Variants in KCNH2 observed in about 807,000 individuals in gnomAD.
KCNH2 encodes the protein potassium voltage-gated channel subfamily H member 2.
KCNH2 carries 35 observed loss-of-function variants against 95.9 expected under a neutral mutation model. That is an observed-to-expected ratio of 0.37 (90% confidence interval 0.28 to 0.48). KCNH2 has a LOEUF of 0.48. Among genes scored for constraint, KCNH2 ranks in the 20% least tolerant of loss-of-function variants. KCNH2 has a pLI of 0.99. For missense variants in KCNH2, 1,274 were observed against 1,702.9 expected, an observed-to-expected ratio of 0.75 and a Z score of 4.43; for synonymous variants, 786 against 754.7, an observed-to-expected ratio of 1.04 and a Z score of -0.68.
Position 150,946,128 on chromosome 7 carries a change from C to T in KCNH2, c.3331-614G>A, listed in dbSNP as rs1250672531. Among the ~76,000 whole-genome samples, 1 of 152,044 alleles carries T rather than the reference C, an allele frequency of 6.6e-6. No homozygotes were observed. The highest frequency in any genetic ancestry group is 1.5e-5 in the Non-Finnish European group (1 of 67,992). On this transcript the variant is annotated intron_variant, in intron 14 of 14. Transcript: ENST00000262186. The surrounding 1 kb of genome is among the most constrained non-coding windows in gnomAD (Gnocchi z 6.5). ...GCATATGGGAGGGGGGAGCGGATGC[C>T]AAGGGAAGTGGGGAGGGAGCAGATC...
Position 150,947,020 on chromosome 7 carries a change from C to T in KCNH2, c.3187G>A (p.Val1063Ile), listed in dbSNP as rs139722868. 1 of 1,609,470 alleles carries T rather than the reference C, an allele frequency of 6.2e-7. No homozygotes were observed. The highest frequency in any genetic ancestry group is 2.2e-5 in the East Asian group (1 of 44,726). Residue 1063 changes from valine to isoleucine, a missense_variant, in exon 14 of 15, where the codon GTC becomes ATC. Val to Ile is a conservative substitution (Grantham distance 29, BLOSUM62 3). Coordinates refer to ENST00000262186, the MANE Select transcript of KCNH2 (RefSeq NM_000238.4). ...ATCTGCCTCTGTAGCAGCTGCAGGA[C>T]AGTGGCCATGTCTGCACTCAGCCGG... ...ETRLSADMAT[V>I]LQLLQRQMTL...
Position 150,947,431 on chromosome 7 carries a change from C to T in KCNH2, c.3049G>A (p.Ala1017Thr), listed in dbSNP as rs950543448. ...RQYQELPRCPAPTPSLLNIPL... is the reference protein window; with the variant it reads ...RQYQELPRCPTPTPSLLNIPL... ...ATGTTGAGGAGGCTGGGGGTGGGGG[C>T]GGGGCATCGAGGGAGCTCCTGGTAC... Residue 1017 changes from alanine to threonine, a missense_variant, in exon 13 of 15, where the codon GCC (alanine) becomes ACC (threonine). Transcript: ENST00000262186. 6.2e-6 allele frequency: 9 copies of T among 1,444,996 alleles called. No individual in the cohort carries two copies. The highest frequency in any genetic ancestry group is 2.0e-5 in the Admixed American group (1 of 50,820). 89.5% of individuals were successfully genotyped at this position (1,444,996 alleles called of 1,614,324 possible).
At chr7:150,949,184 C>G in intron 9 of KCNH2, 135 bp from the exon 10 acceptor site, 1 of 1,105,240 alleles carries the variant, frequency 9.0e-7, no homozygotes, top group South Asian at 1.5e-5. Flanking sequence ...GCCCCCAACC[C>G]ACACAACCGG....
chr7:150,946,739 A>G lies in KCNH2; in HGVS notation c.3330+138T>C, dbSNP rs1235070125. 2 of 757,570 alleles carry G rather than the reference A, an allele frequency of 2.6e-6. No homozygotes were observed. The highest frequency in any genetic ancestry group is 1.7e-5 in the African/African-American group (1 of 57,230). 46.9% of individuals were successfully genotyped at this position (757,570 alleles called of 1,614,324 possible). On this transcript the variant is annotated intron_variant, in intron 14 of 14. Transcript: ENST00000262186. The surrounding 1 kb of genome is among the most constrained non-coding windows in gnomAD (Gnocchi z 6.5). ...TGAAGCAGCCTTCCTCCAGGAGGACAGGGGTGGGAGGAGGGCAGGAACAAG... is the reference window on the plus strand; with the variant it reads ...TGAAGCAGCCTTCCTCCAGGAGGACGGGGGTGGGAGGAGGGCAGGAACAAG...
rs1801130920 is a variant in KCNH2 at position 150,951,023 on chromosome 7, C to T, written c.2043G>A (p.Arg681=). The T allele has an allele frequency of 1.9e-6, 3 of 1,614,224 alleles. No individual in the cohort carries two copies. The highest frequency in any genetic ancestry group is 2.2e-5 in the South Asian group (2 of 91,090). The change falls in exon 8 of 15, where the codon CGG becomes CGA. Residue 681 remains arginine (R), a synonymous_variant. Coordinates refer to ENST00000262186, the MANE Select transcript of KCNH2 (RefSeq NM_000238.4). ...ARYHTQMLRV[R]EFIRFHQIPN... Reference sequence around the variant, plus strand: ...GGATCTGGTGGAAGCGGATGAACTCCCGCACCCGCAGCATCTGTGTGTGGT... The same window carrying T: ...GGATCTGGTGGAAGCGGATGAACTCTCGCACCCGCAGCATCTGTGTGTGGT...
intron 13 of KCNH2, 87 bp from the exon 14 acceptor site, chr7:150,947,141 G>A: frequency 4.9e-6 from 2 of 404,378 alleles, no homozygotes; most frequent in African/African-American, 2.1e-5. Flanking sequence ...GGGGAGGGGG[G>A]AGGGGCAGCC....
In KCNH2 at chr7:150,961,111, T is replaced by C. The variant is rs3807376; in HGVS notation, c.308-1375A>G. On this transcript the variant is annotated intron_variant, in intron 2 of 14. Transcript: ENST00000262186. The surrounding 1 kb of genome is among the most constrained non-coding windows in gnomAD (Gnocchi z 6.2). The stretch of plus-strand genomic sequence containing the variant: ...CAGCTCCCCCTCTGCTCAGCTGTCT[T>C]CTCTGCCTCCCAGTGTCTCCCGTCC... Among the ~76,000 whole-genome samples the C allele has an allele frequency of 0.28, 42,699 of 151,996 alleles. 6,679 individuals carry two copies. The highest frequency in any genetic ancestry group is 0.64 in the East Asian group (3,313 of 5,164).
intron 2 of KCNH2, among the ~76,000 whole-genome samples, chr7:150,970,508 G>A (rs1276902813): frequency 2.6e-5 from 4 of 152,238 alleles, no homozygotes; most frequent in Admixed American, 6.5e-5. Context: ...CCCTGGAGCA[G>A]GACTGGGATA....
rs139295242 is a variant in KCNH2, at chr7:150,948,940, G to A, written c.2508C>T (p.Asp836=). The change falls in exon 10 of 15, where the codon GAC becomes GAT. Residue 836 remains aspartate, a synonymous_variant. Transcript: ENST00000262186. The part of the protein sequence containing the change: ...TYCDLHKIHR[D]DLLEVLDMYP... Reference sequence around the variant, plus strand: ...ACATGTCCAGCACCTCCAGCAGGTCGTCCCGATGGATCTTGTGTAGGTCAC... The same window carrying A: ...ACATGTCCAGCACCTCCAGCAGGTCATCCCGATGGATCTTGTGTAGGTCAC... 8 of 1,614,158 alleles carry A rather than the reference G, an allele frequency of 5.0e-6. No individual in the cohort carries two copies. The highest frequency in any genetic ancestry group is 1.6e-4 in the Middle Eastern group (1 of 6,062).
At chr7:150,949,885 A>C in intron 9 of KCNH2, 1 of 1,401,332 alleles carries the variant, frequency 7.1e-7, no homozygotes, top group Admixed American at 2.3e-5. Context: ...AGGCTAGAGG[A>C]TCTAGATTTG....
chr7:150,950,456 C>A, intron 8 of KCNH2, 36 bp from the exon 9 acceptor site: 1 of 1,605,214 alleles, frequency 6.2e-7, no homozygotes, highest in Non-Finnish European at 8.5e-7. Flanking sequence ...GCACACCCTC[C>A]CTTGGGACCC....
At chr7:150,947,257 A>G in intron 13 of KCNH2, 71 bp downstream of exon 13, 1 of 1,335,314 alleles carries the variant, frequency 7.5e-7, no homozygotes, top group Non-Finnish European at 1.0e-6. Flanking sequence ...CTCTCCCTCT[A>G]CCAGACAACA....
At chr7:150,951,236 C>T (rs933916948) in intron 7 of KCNH2, 116 bp from the exon 8 acceptor site, 57 of 1,038,464 alleles carry the variant, frequency 5.5e-5, no homozygotes, top group Non-Finnish European at 7.5e-5. Flanking sequence ...GACATGCCCA[C>T]GAGACGCCCT....
At chr7:150,947,968 A>G (rs1050225469) in intron 11 of KCNH2, 90 bp from the exon 12 acceptor site, 61 of 1,412,562 alleles carry the variant, frequency 4.3e-5, no homozygotes, top group Non-Finnish European at 5.6e-5. Context: ...CGAGCCCGAG[A>G]GAGGACTGGG....
At chr7:150,970,784 T>G (rs953236987) in intron 2 of KCNH2, among the ~76,000 whole-genome samples, 6 of 152,190 alleles carry the variant, frequency 3.9e-5, no homozygotes, top group East Asian at 1.9e-4. Flanking sequence ...GTCCCCATGA[T>G]GAAGGGCGCT....
rs755698372 is a variant in KCNH2 at position 150,951,464 on chromosome 7, G to A, written c.1929C>T (p.Cys643=). ...NTNSEKIFSI[C]VMLIGSLMYA... ...CACACTCACAGCCAATGAGCATGACGCAGATGGAGAAGATCTTCTCTGAGT... is the reference window on the plus strand; with the variant it reads ...CACACTCACAGCCAATGAGCATGACACAGATGGAGAAGATCTTCTCTGAGT... The change falls in exon 7 of 15, where the codon TGC becomes TGT. Residue 643 remains cysteine, a synonymous_variant. Coordinates refer to ENST00000262186, the MANE Select transcript of KCNH2 (RefSeq NM_000238.4). 4.3e-6 allele frequency: 7 copies of A among 1,614,028 alleles called. 1 individual carries two copies. The highest frequency in any genetic ancestry group is 1.7e-4 in the Middle Eastern group (1 of 6,048).
Position 150,946,624 on chromosome 7 carries a change from C to G in KCNH2, c.3330+253G>C, listed in dbSNP as rs886904270. On this transcript the variant is annotated intron_variant, in intron 14 of 14. Coordinates refer to ENST00000262186, the MANE Select transcript of KCNH2 (RefSeq NM_000238.4). The surrounding 1 kb of genome is among the most constrained non-coding windows in gnomAD (Gnocchi z 6.5). The stretch of plus-strand genomic sequence containing the variant: ...TGTGGACACTAGGGGAGTGAAGCTG[C>G]GGGCCACTTAGCCTACAGGTTCCCT... Among the ~76,000 whole-genome samples, 1 of 152,168 alleles carries G rather than the reference C, an allele frequency of 6.6e-6. No individual in the cohort carries two copies. Among genetic ancestry groups the G allele is most frequent in the Admixed American group, 6.5e-5 (1 of 15,290 alleles).
Position 150,958,087 on chromosome 7 carries a change from C to G in KCNH2, c.888G>C (p.Leu296=), listed in dbSNP as rs1157638570. Residue 296 remains leucine, a synonymous_variant, in exon 4 of 15, where the codon CTG becomes CTC. Transcript: ENST00000262186. ...DDIEAMRAGV[L]PPPPRHASTG... Reference sequence around the variant, plus strand: ...TGCTGGCGTGGCGCGGTGGCGGGGGCAGCACCCCGGCGCGCATGGCCTCGA... The same window carrying G: ...TGCTGGCGTGGCGCGGTGGCGGGGGGAGCACCCCGGCGCGCATGGCCTCGA... 1.0e-5 allele frequency: 13 copies of G among 1,280,744 alleles called. No homozygotes were observed. The highest frequency in any genetic ancestry group is 1.3e-5 in the Non-Finnish European group (13 of 1,018,066). The allele number at this position is 1,280,744 out of a possible 1,614,324, so 79.3% of individuals were successfully genotyped here.
chr7:150,969,485 A>C (rs1044269389), intron 2 of KCNH2, among the ~76,000 whole-genome samples: 9 of 151,736 alleles, frequency 5.9e-5, no homozygotes, highest in South Asian at 2.1e-4. Context: ...GAGCCCCCAG[A>C]TGCTCCTGTG....
Sources: allele counts gnomAD v4.1 joint callset (sites outside exome capture counted in the v4.1 genomes callset), GRCh38; gene constraint gnomAD v4.1.1; non-coding constraint Gnocchi (gnomAD v3.1); transcripts MANE v1.5; gene names NCBI Gene and HGNC (gene_info 2026-07-23, HGNC 2026-07-21).